The following CSMD3 variants were observed in gnomAD, a reference collection of about 807,000 sequenced individuals.
The protein encoded by CSMD3 is CUB and Sushi multiple domains 3.
In CSMD3, 177 loss-of-function variants were observed where a neutral mutation model predicts 435.2. The observed-to-expected ratio is 0.41, with a 90% confidence interval of 0.36 to 0.46. The LOEUF (loss-of-function observed/expected upper bound fraction) is 0.46. Ranked by LOEUF, CSMD3 falls within the 20% of genes least tolerant of loss-of-function variation. The probability of loss-of-function intolerance (pLI) is 0.34; values close to 1 mark genes in which losing one functional copy is unlikely to be tolerated. For missense variants in CSMD3, 4,265 were observed against 4,504.6 expected, an observed-to-expected ratio of 0.95 and a Z score of 1.52; for synonymous variants, 1,656 against 1,520.5, an observed-to-expected ratio of 1.09 and a Z score of -2.07.
At chr8:112,931,215 C>T (rs1009270570) in intron 9 of CSMD3, among the ~76,000 whole-genome samples, 2 of 151,914 alleles carry the variant, frequency 1.3e-5, no homozygotes, top group Non-Finnish European at 2.9e-5. Context: ...AGGTGGGGTA[C>T]TTTGTTTTTA....
intron 5 of CSMD3, among the ~76,000 whole-genome samples, chr8:113,046,453 CTG>C (rs1340301103): frequency 7.6e-6 from 1 of 130,746 alleles, no homozygotes; most frequent in Non-Finnish European, 1.9e-5. Context: ...GTGTCTCCCT[CTG>C]AGAGTTCTGA....
chr8:112,400,411 G>C (rs550896182), intron 35 of CSMD3, among the ~76,000 whole-genome samples: 1 of 152,072 alleles, frequency 6.6e-6, no homozygotes, highest in Non-Finnish European at 1.5e-5. Flanking sequence ...AAAAATTGGG[G>C]AAAACAAATA....
intron 11 of CSMD3, among the ~76,000 whole-genome samples, chr8:112,840,291 C>T (rs1354163811): frequency 6.6e-6 from 1 of 151,774 alleles, no homozygotes; most frequent in Non-Finnish European, 1.5e-5. Context: ...GTAATGTGGA[C>T]ATTTTAACAA....
intron 24 of CSMD3, among the ~76,000 whole-genome samples, chr8:112,557,765 T>C (rs541265532): frequency 1.3e-5 from 2 of 152,042 alleles, no homozygotes; most frequent in African/African-American, 4.8e-5. Flanking sequence ...CTTCCTTTGG[T>C]AGCTCTTCGT....
rs574478264 is a variant in CSMD3, at chr8:112,313,760, G to A, written c.7696+146C>T. On this transcript the variant is annotated intron_variant, in intron 49 of 70. Coordinates refer to ENST00000297405, the MANE Select transcript of CSMD3 (RefSeq NM_198123.2). ...ATTATTATCATTACAATAGGAAATA[G>A]AGAGGTTACATAAATTGTCCAGGAA... The A allele has an allele frequency of 5.0e-3, 3,145 of 627,766 alleles. 18 individuals are homozygous for A. The highest frequency in any genetic ancestry group is 7.3e-3 in the South Asian group (374 of 51,232). 38.9% of individuals were successfully genotyped at this position (627,766 alleles called of 1,614,324 possible). A position where few individuals can be genotyped will look rare whatever the true frequency, so the allele number is the denominator to read the frequency against.
chr8:113,154,470 T>C (rs2091894206), intron 4 of CSMD3, among the ~76,000 whole-genome samples: 1 of 151,974 alleles, frequency 6.6e-6, no homozygotes, highest in Admixed American at 6.6e-5. Context: ...TCTCTGAAAT[T>C]CATTTTAACT....
chr8:112,954,520 A>AT (rs2130831576), intron 8 of CSMD3, among the ~76,000 whole-genome samples, 164 bp downstream of exon 8: 1 of 151,706 alleles, frequency 6.6e-6, no homozygotes, highest in South Asian at 2.1e-4. Context: ...ATCAATATAC[A>AT]TTAAAATATA....
intron 32 of CSMD3, among the ~76,000 whole-genome samples, chr8:112,452,169 C>T (rs1208414265): frequency 2.4e-4 from 37 of 152,234 alleles, no homozygotes; most frequent in Non-Finnish European, 4.4e-5. Context: ...TAGCAAACTA[C>T]AAAATTGACC....
intron 5 of CSMD3, among the ~76,000 whole-genome samples, chr8:113,037,983 C>A (rs116710962): frequency 2.4e-3 from 370 of 152,202 alleles, no homozygotes; most frequent in African/African-American, 8.5e-3. Context: ...AATGGAAACA[C>A]CCGTGCAGAA....
chr8:112,346,032 A>C, intron 41 of CSMD3, 65 bp downstream of exon 41: 1 of 928,236 alleles, frequency 1.1e-6, no homozygotes, highest in East Asian at 2.4e-5. Context: ...TTCGACATTG[A>C]AATTTATTTT....
intron 70 of CSMD3, among the ~76,000 whole-genome samples, chr8:112,225,752 T>A (rs1019155227): frequency 3.9e-5 from 6 of 152,200 alleles, no homozygotes; most frequent in African/African-American, 1.4e-4. Context: ...GCTACTCTCA[T>A]ACTCAAGTCA....
chr8:113,042,321 T>C (rs1464600244), intron 5 of CSMD3, among the ~76,000 whole-genome samples: 7 of 152,100 alleles, frequency 4.6e-5, no homozygotes, highest in Non-Finnish European at 1.0e-4. Context: ...GACTCACCAA[T>C]GAGAACAGAT....
intron 27 of CSMD3, among the ~76,000 whole-genome samples, chr8:112,549,947 A>T (rs1197732298): frequency 6.6e-6 from 1 of 152,052 alleles, no homozygotes; most frequent in Admixed American, 6.6e-5. Context: ...CTATACAGAT[A>T]AAAAATCTAT....
At chr8:112,542,627 GA>G (rs970184668) in intron 27 of CSMD3, among the ~76,000 whole-genome samples, 1 of 151,686 alleles carries the variant, frequency 6.6e-6, no homozygotes, top group Non-Finnish European at 1.5e-5. Flanking sequence ...CTTGTATACT[GA>G]AAACTATAAA....
At chr8:112,513,410 T>C (rs369476926) in intron 28 of CSMD3, among the ~76,000 whole-genome samples, 4 of 152,168 alleles carry the variant, frequency 2.6e-5, no homozygotes, top group African/African-American at 9.7e-5. Context: ...GAGAGAGACA[T>C]GGAGGAACAG....
intron 13 of CSMD3, among the ~76,000 whole-genome samples, chr8:112,791,203 G>A (rs1019978086): frequency 1.3e-5 from 2 of 151,176 alleles, no homozygotes; most frequent in African/African-American, 4.9e-5. Context: ...CGTGCCTGTT[G>A]TCCCAGCTAC....
At chr8:113,161,097 A>G (rs2092029952) in intron 4 of CSMD3, among the ~76,000 whole-genome samples, 1 of 152,114 alleles carries the variant, frequency 6.6e-6, no homozygotes, top group South Asian at 2.1e-4. Context: ...TTTTTCCTTG[A>G]TAATGGGAAT....
At chr8:112,680,029 T>G (rs933007957) in intron 16 of CSMD3, among the ~76,000 whole-genome samples, 1 of 152,172 alleles carries the variant, frequency 6.6e-6, no homozygotes, top group African/African-American at 2.4e-5. Flanking sequence ...TGAAACACAC[T>G]TTTCTCTCAT....
At chr8:112,816,556 A>G (rs2079380837) in intron 12 of CSMD3, among the ~76,000 whole-genome samples, 1 of 152,142 alleles carries the variant, frequency 6.6e-6, no homozygotes, top group Non-Finnish European at 1.5e-5. Context: ...AAGCAAAGTT[A>G]GGAAAGTATA....
Sources: gnomAD v4.1 joint callset for allele counts (sites outside exome capture counted in the v4.1 genomes callset) on GRCh38, gnomAD v4.1.1 for gene constraint, MANE v1.5 for transcripts, NCBI Gene and HGNC (gene_info 2026-07-23, HGNC 2026-07-21) for gene names.